Variants in USP42 observed in about 807,000 individuals in gnomAD.
USP42 encodes ubiquitin carboxyl-terminal hydrolase 42.
In USP42, 23 loss-of-function variants were observed where a neutral mutation model predicts 113.0. That is an observed-to-expected ratio of 0.20 (90% CI 0.15 to 0.29). USP42 has a LOEUF of 0.29. Ranked by LOEUF, USP42 falls within the 10% of genes least tolerant of loss-of-function variation. USP42 has a pLI of 1.00. For synonymous variants in USP42, 933 were observed against 699.0 expected (o/e 1.33, Z -5.28); for missense variants, 2,174 against 1,779.8 (o/e 1.22, Z -3.99).
chr7:6,118,989 A>T (rs1443071908), intron 3 of USP42, among the ~76,000 whole-genome samples: 2 of 151,818 alleles, frequency 1.3e-5, no homozygotes, highest in East Asian at 3.9e-4. Context: ...CTGAGGCAGG[A>T]GGACTGTTTG....
intron 17 of USP42, among the ~76,000 whole-genome samples, chr7:6,160,293 C>T (rs1407178922): frequency 6.6e-6 from 1 of 152,204 alleles, no homozygotes; most frequent in East Asian, 1.9e-4. Flanking sequence ...GCTAAACTTC[C>T]TGAGTGAGGG....
the USP42 span, among the ~76,000 whole-genome samples, chr7:6,095,254 C>G: frequency 1.3e-5 from 2 of 151,264 alleles, 1 homozygote; most frequent in African/African-American, 4.9e-5. Flanking sequence ...TAACTTGATC[C>G]CTTAGCAATA....
At chr7:6,108,568 C>T (rs1209871176) in intron 1 of USP42, among the ~76,000 whole-genome samples, 1 of 152,156 alleles carries the variant, frequency 6.6e-6, no homozygotes, top group Non-Finnish European at 1.5e-5. Flanking sequence ...GCAACCTCCA[C>T]CTCCCGGGTT....
rs182111048 is a variant in USP42 at position 6,155,187 on chromosome 7, C to A, written c.3633C>A (p.Arg1211=). 2.5e-5 allele frequency: 39 copies of A among 1,531,036 alleles called. No individual in the cohort carries two copies. In the African/African-American group the frequency reaches 4.2e-4, roughly 16 times the overall value. The allele number at this position is 1,531,036 out of a possible 1,614,324, so 94.8% of individuals were successfully genotyped here. ...AATCCAAAGACAAACACCGAGACCG[C>A]GACTCCAGGTGAGCCTGGGGCCTTG... is the stretch of plus-strand genomic sequence containing the variant. ...KKKSKDKHRD[R]DSRHQQDSDL... is the part of the protein sequence containing the mutation. The change falls in exon 15 of 18, where the codon CGC becomes CGA. Residue 1211 remains arginine (R), a synonymous_variant. Transcript: ENST00000306177.
chr7:6,153,750 C>T lies in USP42; in HGVS notation c.2202-6C>T. On this transcript the variant is annotated splice_region_variant and splice_polypyrimidine_tract_variant and intron_variant, in intron 14 of 17. Coordinates refer to ENST00000306177, the MANE Select transcript of USP42 (RefSeq NM_032172.3). ...ACGGGCGTGTTTGTTTGTTTGGGGG[C>T]TGCAGTGCACCTGGAGCAGAGAGGG... The T allele has an allele frequency of 1.4e-6, 2 of 1,447,454 alleles. No homozygotes were observed. The highest frequency in any genetic ancestry group is 1.8e-6 in the Non-Finnish European group (2 of 1,098,214). The allele number at this position is 1,447,454 out of a possible 1,614,324, so 89.7% of individuals were successfully genotyped here. A position where few individuals can be genotyped will look rare whatever the true frequency, so the allele number is the denominator to read the frequency against.
intron 6 of USP42, 146 bp from the exon 7 acceptor site, chr7:6,140,768 T>G (rs2128505076): frequency 6.9e-6 from 4 of 575,826 alleles, no homozygotes; most frequent in Non-Finnish European, 1.2e-5. Context: ...ATGAGTAGTA[T>G]TAATTTAAAA....
At chr7:6,108,354 G>A (rs888168908) in intron 1 of USP42, among the ~76,000 whole-genome samples, 1 of 152,088 alleles carries the variant, frequency 6.6e-6, no homozygotes, top group African/African-American at 2.4e-5. Flanking sequence ...CCTGGGCAAC[G>A]TAGTGAGACC....
chr7:6,113,093 C>T (rs1434423748), intron 2 of USP42, among the ~76,000 whole-genome samples: 3 of 151,524 alleles, frequency 2.0e-5, no homozygotes, highest in Non-Finnish European at 2.9e-5. Flanking sequence ...TTAGTAGAGA[C>T]GGGGTTTCAC....
At chr7:6,104,897 GCGCGGCGCTGACCCGGAGGCGGCGGCGGC>G (rs1779169032), upstream of USP42, 1 of 146,892 alleles carries the variant, frequency 6.8e-6, no homozygotes, top group Admixed American at 6.8e-5. Context: ...GGCGCGGCGG[GCGCGGCGCTGACCCGGAGGCGGCGGCGGC>G]GGTGCCCGGA....
At chr7:6,107,589 A>G (rs1005672720) in intron 1 of USP42, among the ~76,000 whole-genome samples, 1 of 151,670 alleles carries the variant, frequency 6.6e-6, no homozygotes, top group Non-Finnish European at 1.5e-5. Flanking sequence ...TTGTATTTTT[A>G]GTAGAGACGG....
chr7:6,131,115 G>A (rs937459435), intron 3 of USP42, among the ~76,000 whole-genome samples: 2 of 152,128 alleles, frequency 1.3e-5, no homozygotes. Context: ...AGGCTTGCAC[G>A]AACGCTGAGC....
At chr7:6,115,196 G>T (rs113658052) in intron 2 of USP42, 127 bp from the exon 3 acceptor site, 4 of 862,140 alleles carry the variant, frequency 4.6e-6, no homozygotes, top group African/African-American at 3.4e-5. Flanking sequence ...TCTTCCCCCT[G>T]TATTTCAGGT....
At chr7:6,133,931 C>G (rs1780989933) in intron 3 of USP42, among the ~76,000 whole-genome samples, 1 of 149,596 alleles carries the variant, frequency 6.7e-6, no homozygotes, top group Admixed American at 6.7e-5. Flanking sequence ...TGCTCTGTCG[C>G]CCAGGCTGGA....
At chr7:6,086,202 ATTT>A in the USP42 span, among the ~76,000 whole-genome samples, 3 of 122,622 alleles carry the variant, frequency 2.4e-5, no homozygotes, top group Non-Finnish European at 3.3e-5. Flanking sequence ...CACCTGGCTA[ATTT>A]TTTTTTTTTT....
At chr7:6,086,831 T>A in the USP42 span, among the ~76,000 whole-genome samples, 1 of 150,504 alleles carries the variant, frequency 6.6e-6, no homozygotes, top group Non-Finnish European at 1.5e-5. Flanking sequence ...GTTCAAGCAA[T>A]TCTCCTACCT....
At position 6,147,819 on chromosome 7, in the gene USP42, G is replaced by T. The variant is rs373991514; in HGVS notation, c.1313G>T (p.Ser438Ile). 1 of 1,613,706 alleles carries T rather than the reference G, an allele frequency of 6.2e-7. No individual in the cohort carries two copies. The highest frequency in any genetic ancestry group is 8.5e-7 in the Non-Finnish European group (1 of 1,179,730). The change falls in exon 12 of 18, where the codon AGT becomes ATT. Residue 438 changes from serine to isoleucine, a missense_variant. Ser to Ile is a moderately radical substitution (Grantham distance 142). Transcript: ENST00000306177. The part of the protein sequence containing the change: ...PGQSSPRPVI[S>I]QRVVTNKQAA... ...CAGTCCTCTCCCCGCCCCGTCATCA[G>T]TCAGCGGGTTGTCACCAACAAACAG...
At chr7:6,129,164 C>G (rs1780703310) in intron 3 of USP42, among the ~76,000 whole-genome samples, 1 of 152,166 alleles carries the variant, frequency 6.6e-6, no homozygotes, top group African/African-American at 2.4e-5. Context: ...TAACTTTTAC[C>G]ACGGTTTACT....
chr7:6,154,288 C>G lies in USP42; in HGVS notation c.2734C>G (p.Pro912Ala), dbSNP rs766625917. The change falls in exon 15 of 18, where the codon CCG becomes GCG. Residue 912 changes from proline to alanine, a missense_variant. By Grantham distance (27) the Pro-to-Ala change is conservative. Coordinates refer to ENST00000306177, the MANE Select transcript of USP42 (RefSeq NM_032172.3). The stretch of plus-strand genomic sequence containing the variant: ...GCTGGACATGGCCCCGGCCGGTCAC[C>G]CGGAAGGGGACGCTGAGCCTAGCCC... ...PVLDMAPAGH[P>A]EGDAEPSPGE... 7 of 1,590,916 alleles carry G rather than the reference C, an allele frequency of 4.4e-6. No homozygotes were observed. The highest frequency in any genetic ancestry group is 6.0e-6 in the Non-Finnish European group (7 of 1,169,638).
rs1583705163 is a variant in USP42 at position 6,158,806 on chromosome 7, T to G, written c.3944-644T>G. On this transcript the variant is annotated intron_variant, in intron 16 of 17. Transcript: ENST00000306177. The surrounding 1 kb of genome is among the most constrained non-coding windows in gnomAD (Gnocchi z 4.2). The stretch of plus-strand genomic sequence containing the variant: ...GTGGATGGGCTCATTCTGAGTGTGG[T>G]GCAGGCTCCCAGGATCATGGGCTTC... Among the ~76,000 whole-genome samples the G allele has an allele frequency of 6.6e-6, 1 of 152,116 alleles. No homozygotes were observed. The highest frequency in any genetic ancestry group is 2.4e-5 in the African/African-American group (1 of 41,420).
Sources: allele counts gnomAD v4.1 joint callset (sites outside exome capture counted in the v4.1 genomes callset), GRCh38; gene constraint gnomAD v4.1.1; non-coding constraint Gnocchi (gnomAD v3.1); transcripts MANE v1.5; gene names NCBI Gene and HGNC (gene_info 2026-07-23, HGNC 2026-07-21).